CCNB3: variants seen among roughly 807,000 people sequenced by gnomAD.
The protein encoded by CCNB3 is G2/mitotic-specific cyclin-B3.
A neutral mutation model predicts 68.0 loss-of-function variants in CCNB3; 12 were observed. The ratio of observed to expected loss-of-function variants is 0.18; its 90% CI spans 0.11 to 0.29. CCNB3 has a LOEUF of 0.29. Among genes scored for constraint, CCNB3 ranks in the 10% least tolerant of loss-of-function variants. The pLI is 1.00. For synonymous variants in CCNB3, 354 were observed against 388.9 expected (o/e 0.91, Z 1.06); for missense variants, 904 against 993.1 (o/e 0.91, Z 1.21).
At position 50,309,512 on chromosome X, in the gene CCNB3, T is replaced by A. The variant is rs1921281895; in HGVS notation, c.1343T>A (p.Val448Asp). Residue 448 changes from valine (V) to aspartate (D), a missense_variant, in exon 6 of 13, where the codon GTT becomes GAT. Around this residue, in one of 2 missense-constraint regions of CCNB3, gnomAD observed 619 missense variants for 609.8 expected, o/e 1.02. Coordinates refer to ENST00000376042, the MANE Select transcript of CCNB3 (RefSeq NM_033031.3). Reference protein sequence around the residue: ...LQKKHTTQEEVSILKEPSSLL... With the variant: ...LQKKHTTQEEDSILKEPSSLL... ...AAGAAGCACACCACTCAGGAGGAGG[T>A]TTCCATCTTAAAGGAGCCCTCGTCC... The A allele has an allele frequency of 8.3e-7, 1 of 1,210,475 alleles. No homozygotes were observed. Among genetic ancestry groups the A allele is most frequent in the Non-Finnish European group, 1.1e-6 (1 of 895,093 alleles).
At chrX:50,215,793 C>A (rs1337116675) in intron 1 of CCNB3, among the ~76,000 whole-genome samples, 2 of 110,862 alleles carry the variant, frequency 1.8e-5, no homozygotes, top group African/African-American at 6.6e-5. Context: ...TCTGATATTA[C>A]TTTAACTGAT....
At chrX:50,348,791 G>A (rs1569543716) in intron 11 of CCNB3, among the ~76,000 whole-genome samples, 1 of 112,112 alleles carries the variant, frequency 8.9e-6, no homozygotes. Flanking sequence ...TGGAAACTAG[G>A]AGTGGTGTTC....
intron 1 of CCNB3, among the ~76,000 whole-genome samples, 195 bp from the exon 2 acceptor site, chrX:50,284,347 T>C (rs897591825): frequency 9.0e-6 from 1 of 111,624 alleles, no homozygotes; most frequent in South Asian, 3.8e-4. Context: ...TGTCATTTGG[T>C]GTGAAGTTAC....
chrX:50,328,020 C>T (rs1329407547), intron 8 of CCNB3, among the ~76,000 whole-genome samples: 1 of 111,154 alleles, frequency 9.0e-6, no homozygotes, highest in Non-Finnish European at 1.9e-5. Flanking sequence ...GAAGGGCCCA[C>T]AAAACAAGGA....
intron 5 of CCNB3, 113 bp from the exon 6 acceptor site, chrX:50,308,392 G>C: frequency 4.0e-6 from 2 of 505,204 alleles, no homozygotes; most frequent in Middle Eastern, 5.9e-4. Flanking sequence ...TGTCTTATGG[G>C]GTTGAAGCCC....
In CCNB3 at chrX:50,309,616, C is replaced by A; in HGVS notation, c.1447C>A (p.Pro483Thr). ...FTKKCTIEEAPPTKKPLILKR... is the reference protein window; with the variant it reads ...FTKKCTIEEATPTKKPLILKR... ...AAAGAAGTGTACCATTGAGGAGGCA[C>A]CCCCCACCAAGAAGCCTTTAATTTT... Residue 483 changes from proline (P) to threonine (T), a missense_variant, in exon 6 of 13, where the codon CCC becomes ACC. Pro to Thr is a conservative substitution (Grantham distance 38). This residue lies in a region of CCNB3 where 619 missense variants were observed against 609.8 expected (regional missense o/e 1.02). Transcript: ENST00000376042. 9 of 1,209,681 alleles carry A rather than the reference C, an allele frequency of 7.4e-6. No individual in the cohort carries two copies. The South Asian group carries it at 1.2e-4, about 17-fold the overall frequency.
chrX:50,346,860 T>C, intron 10 of CCNB3, 53 bp downstream of exon 10: 1 of 1,134,608 alleles, frequency 8.8e-7, no homozygotes, highest in Non-Finnish European at 1.2e-6. Flanking sequence ...TAGTCTCCTT[T>C]ATACCCAGAG....
intron 5 of CCNB3, among the ~76,000 whole-genome samples, chrX:50,307,630 C>T (rs901382013): frequency 1.8e-5 from 2 of 110,387 alleles, no homozygotes; most frequent in African/African-American, 6.6e-5. Context: ...CAATACCCCC[C>T]GTCCACTAAA....
chrX:50,343,519 C>T (rs952742733), intron 9 of CCNB3, among the ~76,000 whole-genome samples: 3 of 111,704 alleles, frequency 2.7e-5, no homozygotes, highest in Non-Finnish European at 5.6e-5. Flanking sequence ...GCTTGGGGAA[C>T]AAAGTGAGAC....
chrX:50,279,797 C>A (rs1209084520), intron 1 of CCNB3, among the ~76,000 whole-genome samples: 2 of 83,321 alleles, frequency 2.4e-5, no homozygotes, highest in South Asian at 5.4e-4. Flanking sequence ...TAAATATATA[C>A]TATATATAGA....
chrX:50,226,679 T>C (rs1464939307), intron 1 of CCNB3, among the ~76,000 whole-genome samples: 2 of 73,777 alleles, frequency 2.7e-5, no homozygotes, highest in Admixed American at 2.1e-4. Context: ...ATAGAACATA[T>C]CTATAAATAT....
intron 5 of CCNB3, among the ~76,000 whole-genome samples, chrX:50,298,601 G>C (rs1354315340): frequency 1.9e-4 from 21 of 111,112 alleles, no homozygotes; most frequent in Non-Finnish European, 3.6e-4. Context: ...CTCTTTTTTT[G>C]TTGTGTCTCT....
At chrX:50,223,730 G>A (rs1374670180) in intron 1 of CCNB3, among the ~76,000 whole-genome samples, 3 of 112,512 alleles carry the variant, frequency 2.7e-5, no homozygotes, top group Non-Finnish European at 5.6e-5. Context: ...CTCCCAGTCA[G>A]GGGGGAAGGG....
chrX:50,280,548 T>C (rs899161536), intron 1 of CCNB3, among the ~76,000 whole-genome samples: 103 of 109,520 alleles, frequency 9.4e-4, no homozygotes, highest in Admixed American at 2.4e-3. Context: ...TTAACTACTA[T>C]TAGCTCTCTG....
At chrX:50,334,596 T>C (rs1204254042) in intron 8 of CCNB3, among the ~76,000 whole-genome samples, 4 of 112,714 alleles carry the variant, frequency 3.5e-5, no homozygotes, top group Non-Finnish European at 7.5e-5. Flanking sequence ...CCACTGGCCT[T>C]GGCCAGGGCC....
chrX:50,336,743 A>T (rs1470822668), intron 8 of CCNB3, among the ~76,000 whole-genome samples: 2 of 110,589 alleles, frequency 1.8e-5, no homozygotes, highest in Non-Finnish European at 3.8e-5. Flanking sequence ...TAGCCTCTCC[A>T]TGTCTGGCCC....
At chrX:50,341,371 A>ATAAT (rs1280958875) in intron 8 of CCNB3, among the ~76,000 whole-genome samples, 1 of 107,523 alleles carries the variant, frequency 9.3e-6, no homozygotes, top group Non-Finnish European at 1.9e-5. Flanking sequence ...AAATAAATAA[A>ATAAT]TAAGTAAAAA....
In CCNB3 at chrX:50,351,758, G is replaced by A. The variant is rs1158260345; in HGVS notation, c.*55G>A. On this transcript the variant is annotated 3_prime_UTR_variant, in exon 13 of 13. Coordinates refer to ENST00000376042, the MANE Select transcript of CCNB3 (RefSeq NM_033031.3). ...AACAGGGTATATTTATTCTATGTTC[G>A]AATTTGTCTTTTGATCGCTTTTATT... 1.2e-5 allele frequency: 11 copies of A among 908,375 alleles called. No homozygotes were observed. Among genetic ancestry groups the A allele is most frequent in the East Asian group, 6.5e-5 (2 of 30,731 alleles). The allele number at this position is 908,375 out of a possible 1,213,427, so 74.9% of individuals were successfully genotyped here. A position where few individuals can be genotyped will look rare whatever the true frequency, so the allele number is the denominator to read the frequency against.
intron 1 of CCNB3, among the ~76,000 whole-genome samples, chrX:50,279,074 A>ACATATATAAATATATATTAATATATATTC (rs2089118621): frequency 3.4e-5 from 2 of 59,338 alleles, no homozygotes; most frequent in African/African-American, 7.2e-5. Flanking sequence ...TATTTATAGA[A>ACATATATAAATATATATTAATATATATTC]CATATATAAA....
Sources: allele counts gnomAD v4.1 joint callset (sites outside exome capture counted in the v4.1 genomes callset), GRCh38; gene constraint gnomAD v4.1.1; regional missense constraint gnomAD v4.1.1; transcripts MANE v1.5; gene names NCBI Gene and HGNC (gene_info 2026-07-23, HGNC 2026-07-21).